The following TNKS variants were observed in gnomAD, a reference collection of about 807,000 sequenced individuals.
TNKS encodes the protein tankyrase, also known as poly [ADP-ribose] polymerase tankyrase-1.
In TNKS, 72 loss-of-function variants were observed where a neutral mutation model predicts 135.8. The ratio of observed to expected loss-of-function variants is 0.53; its 90% CI spans 0.44 to 0.64. The LOEUF (loss-of-function observed/expected upper bound fraction) is 0.64, where lower values mean the gene tolerates loss of function less well. TNKS is among the 30% of genes least tolerant of loss of function. The probability of loss-of-function intolerance (pLI) is 0.00; values close to 1 mark genes in which losing one functional copy is unlikely to be tolerated. For missense variants in TNKS, 1,769 were observed against 1,674.0 expected (o/e 1.06, Z -0.99); for synonymous variants, 849 against 649.3 (o/e 1.31, Z -4.68).
intron 1 of TNKS, among the ~76,000 whole-genome samples, chr8:9,558,988 G>C (rs1360921804): frequency 6.6e-6 from 1 of 152,152 alleles, no homozygotes; most frequent in African/African-American, 2.4e-5. Context: ...CGGAATAGCT[G>C]TTTTAAAGAT....
At chr8:9,742,986 T>C (rs1806047256) in intron 17 of TNKS, among the ~76,000 whole-genome samples, 1 of 152,146 alleles carries the variant, frequency 6.6e-6, no homozygotes, top group Non-Finnish European at 1.5e-5. Context: ...AAAGTTCCTT[T>C]TTATTCATTC....
intron 3 of TNKS, among the ~76,000 whole-genome samples, chr8:9,669,234 A>C (rs919788503): frequency 1.3e-5 from 2 of 151,410 alleles, no homozygotes; most frequent in African/African-American, 2.4e-5. Context: ...CTGGCTAACA[A>C]GGTGAAACCC....
intron 1 of TNKS, among the ~76,000 whole-genome samples, chr8:9,568,548 G>T (rs936646425): frequency 6.6e-6 from 1 of 152,134 alleles, no homozygotes. Context: ...ATGTAAATAT[G>T]TGTAAACAAC....
intron 17 of TNKS, among the ~76,000 whole-genome samples, chr8:9,743,263 ATAT>A (rs1002440793): frequency 2.2e-4 from 33 of 152,220 alleles, no homozygotes; most frequent in African/African-American, 7.2e-4. Flanking sequence ...CTTCTTCCTA[ATAT>A]TATCTCTTTC....
chr8:9,606,154 G>GTTT (rs71201957), intron 2 of TNKS, among the ~76,000 whole-genome samples: 11 of 110,192 alleles, frequency 1.0e-4, no homozygotes, highest in Middle Eastern at 4.1e-3. Context: ...GTTATTTTGT[G>GTTT]TTTTTTTTTT....
At chr8:9,615,729 G>T in intron 3 of TNKS, 52 bp downstream of exon 3, 1 of 1,423,806 alleles carries the variant, frequency 7.0e-7, no homozygotes, top group Admixed American at 2.2e-5. Flanking sequence ...CTCCTTACTT[G>T]ATTTTATAAA....
intron 3 of TNKS, among the ~76,000 whole-genome samples, chr8:9,645,364 T>C (rs761641413): frequency 9.9e-5 from 15 of 152,158 alleles, no homozygotes; most frequent in Non-Finnish European, 1.6e-4. Flanking sequence ...AAGACCATGC[T>C]GCACAGAGAT....
chr8:9,704,316 G>A (rs1803951157), intron 5 of TNKS, among the ~76,000 whole-genome samples: 1 of 152,280 alleles, frequency 6.6e-6, no homozygotes, highest in East Asian at 1.9e-4. Context: ...GGATAAGGAA[G>A]AATGTTTCCA....
At chr8:9,766,465 G>A (rs1338197046) in intron 25 of TNKS, 40 bp downstream of exon 25, 6 of 1,388,872 alleles carry the variant, frequency 4.3e-6, no homozygotes, top group Non-Finnish European at 5.7e-6. Flanking sequence ...CCCACCCCTA[G>A]GTCACGAACC....
chr8:9,663,820 A>G (rs574912976), intron 3 of TNKS, among the ~76,000 whole-genome samples: 3 of 152,322 alleles, frequency 2.0e-5, no homozygotes, highest in South Asian at 4.1e-4. Flanking sequence ...GGCAGGGGCA[A>G]GGAGCTTCCA....
At chr8:9,615,753 G>T in intron 3 of TNKS, 76 bp downstream of exon 3, 1 of 1,224,730 alleles carries the variant, frequency 8.2e-7, no homozygotes, top group Non-Finnish European at 1.1e-6. Context: ...TTGTTATGCT[G>T]AATTTTTCTT....
chr8:9,649,509 G>T lies in TNKS; in HGVS notation c.995-30442G>T, dbSNP rs537858263. On this transcript the variant is annotated intron_variant, in intron 3 of 26. Transcript: ENST00000310430. The stretch of plus-strand genomic sequence containing the variant: ...TTTTTCAATTGTTTTTGGGGGACAG[G>T]TGGTGGTTGGTTACACGGAAAAGTT... Among the ~76,000 whole-genome samples the T allele has an allele frequency of 1.6e-4, 24 of 152,186 alleles. No individual in the cohort carries two copies. In the East Asian group the frequency reaches 3.9e-3, roughly 24 times the overall value.
chr8:9,605,346 T>A (rs960734509), intron 2 of TNKS, among the ~76,000 whole-genome samples: 1 of 152,112 alleles, frequency 6.6e-6, no homozygotes, highest in African/African-American at 2.4e-5. Context: ...TTGTTTCTTT[T>A]TATTGCTGAG....
At chr8:9,705,015 G>A (rs963435631) in intron 6 of TNKS, among the ~76,000 whole-genome samples, 46 of 152,136 alleles carry the variant, frequency 3.0e-4, no homozygotes, top group African/African-American at 9.4e-4. Context: ...GTTGCAGTTA[G>A]GGTTTTTCAA....
Position 9,570,395 on chromosome 8 carries a change from C to G in TNKS, c.674-9764C>G, listed in dbSNP as rs181184510. ...TGAGCCAATGAATGAAACATAATGT[C>G]CTGGGGGCTAAAATACAGGGAAGAG... On this transcript the variant is annotated intron_variant, in intron 1 of 26. Coordinates refer to ENST00000310430, the MANE Select transcript of TNKS (RefSeq NM_003747.3). 1.2e-4 allele frequency among the ~76,000 whole-genome samples: 18 copies of G among 146,730 alleles called. No individual in the cohort carries two copies. In the East Asian group the frequency reaches 2.7e-3, roughly 22 times the overall value.
chr8:9,768,251 A>G (rs947052053), intron 25 of TNKS, among the ~76,000 whole-genome samples: 1 of 152,150 alleles, frequency 6.6e-6, no homozygotes. Context: ...GAGGGCCCAA[A>G]AGGAACTGAG....
At chr8:9,771,667 CAGGA>C (rs376543818) in intron 26 of TNKS, among the ~76,000 whole-genome samples, 1 of 26,794 alleles carries the variant, frequency 3.7e-5, no homozygotes, top group African/African-American at 1.8e-4. Flanking sequence ...AGGGGAGAGG[CAGGA>C]AGGGAGGGAG....
Position 9,769,925 on chromosome 8 carries a change from G to A in TNKS, c.3741-181G>A, listed in dbSNP as rs1441533543. Among the ~76,000 whole-genome samples, 5 of 152,026 alleles carry A rather than the reference G, an allele frequency of 3.3e-5. No individual in the cohort carries two copies. The East Asian group carries it at 9.7e-4, about 29-fold the overall frequency. ...AACTTTAAGTGTAACTATTGAGTCTGGTAACTGTTTATAGCAAATCATTAT... is the reference window on the plus strand; with the variant it reads ...AACTTTAAGTGTAACTATTGAGTCTAGTAACTGTTTATAGCAAATCATTAT... On this transcript the variant is annotated intron_variant, in intron 25 of 26. Transcript: ENST00000310430.
intron 3 of TNKS, among the ~76,000 whole-genome samples, chr8:9,635,190 A>C (rs541459984): frequency 8.0e-4 from 122 of 151,876 alleles, no homozygotes; most frequent in African/African-American, 2.9e-3. Context: ...AAAAAAAAAA[A>C]GTAATGAACT....
Sources: allele counts gnomAD v4.1 joint callset (sites outside exome capture counted in the v4.1 genomes callset), GRCh38; gene constraint gnomAD v4.1.1; transcripts MANE v1.5; gene names NCBI Gene and HGNC (gene_info 2026-07-23, HGNC 2026-07-21).